Variants in VKORC1L1 observed in about 807,000 individuals in gnomAD.
The protein encoded by VKORC1L1 is vitamin K epoxide reductase complex subunit 1L1, also known as vitamin K epoxide reductase complex subunit 1-like protein 1.
In VKORC1L1, 2 loss-of-function variants were observed where a neutral mutation model predicts 18.9. The ratio of observed to expected loss-of-function variants is 0.11; its 90% CI spans 0.04 to 0.33. VKORC1L1 has a LOEUF of 0.33. Ranked by LOEUF, VKORC1L1 falls within the 10% of genes least tolerant of loss-of-function variation. The pLI is 1.00. For missense variants in VKORC1L1, 123 were observed against 224.1 expected, an observed-to-expected ratio of 0.55 and a Z score of 2.88; for synonymous variants, 96 against 100.0, an observed-to-expected ratio of 0.96 and a Z score of 0.24.
At chr7:65,895,596 T>C (rs1789196447) in intron 1 of VKORC1L1, among the ~76,000 whole-genome samples, 1 of 147,082 alleles carries the variant, frequency 6.8e-6, no homozygotes, top group African/African-American at 2.5e-5. Flanking sequence ...TTTTCAAAAC[T>C]TGATTCTAAA....
intron 1 of VKORC1L1, among the ~76,000 whole-genome samples, chr7:65,943,242 A>G (rs956200542): frequency 6.6e-6 from 1 of 151,980 alleles, no homozygotes; most frequent in Non-Finnish European, 1.5e-5. Flanking sequence ...ACAAAAAAAA[A>G]TGTTTTAAAT....
chr7:65,932,903 C>A (rs1048123892), intron 1 of VKORC1L1, among the ~76,000 whole-genome samples: 1 of 151,920 alleles, frequency 6.6e-6, no homozygotes, highest in Non-Finnish European at 1.5e-5. Context: ...GATGATGAAA[C>A]CCCATGTCTA....
chr7:65,872,145 A>G (rs757776723), upstream of VKORC1L1, among the ~76,000 whole-genome samples: 2 of 152,296 alleles, frequency 1.3e-5, no homozygotes, highest in African/African-American at 2.4e-5. Flanking sequence ...TTTAATAACT[A>G]TGTAAGCCCC....
At chr7:65,916,224 A>G (rs1329756619) in intron 1 of VKORC1L1, among the ~76,000 whole-genome samples, 1 of 150,098 alleles carries the variant, frequency 6.7e-6, no homozygotes, top group Middle Eastern at 3.4e-3. Flanking sequence ...TTTTCTCTTT[A>G]TTTGCCAGTT....
chr7:65,897,713 ATC>A (rs1789239221), intron 1 of VKORC1L1, among the ~76,000 whole-genome samples: 1 of 148,588 alleles, frequency 6.7e-6, no homozygotes, highest in African/African-American at 2.5e-5. Flanking sequence ...TTTTTTTTTA[ATC>A]TCTGTGTTAT....
intron 2 of VKORC1L1, among the ~76,000 whole-genome samples, chr7:65,952,767 C>CT (rs377753156): frequency 1.2e-4 from 15 of 128,996 alleles, no homozygotes; most frequent in Non-Finnish European, 1.8e-4. Context: ...ATTCAGGTGC[C>CT]TTTTTTTTTC....
In VKORC1L1 at chr7:65,873,497, G is replaced by T. The variant is rs1429852959; in HGVS notation, c.126G>T (p.Arg42=). The change falls in exon 1 of 3, where the codon CGG becomes CGT. Residue 42 remains arginine, a synonymous_variant. Transcript: ENST00000360768. ...YAYHVEREKE[R]DPEHRALCDL... is the part of the protein sequence containing the mutation. Reference sequence around the variant, plus strand: ...ACCACGTGGAGCGGGAGAAGGAGCGGGACCCCGAGCACCGGGCCCTCTGCG... The same window carrying T: ...ACCACGTGGAGCGGGAGAAGGAGCGTGACCCCGAGCACCGGGCCCTCTGCG... 3 of 1,594,512 alleles carry T rather than the reference G, an allele frequency of 1.9e-6. No individual in the cohort carries two copies. In the South Asian group the frequency reaches 3.3e-5, roughly 18 times the overall value.
At chr7:65,920,917 AAGG>A (rs1283665429) in intron 1 of VKORC1L1, among the ~76,000 whole-genome samples, 4 of 152,218 alleles carry the variant, frequency 2.6e-5, no homozygotes, top group African/African-American at 9.6e-5. Flanking sequence ...GAAAGAGAAA[AAGG>A]AGAAGGAAAG....
At chr7:65,948,909 G>T in intron 2 of VKORC1L1, 129 bp downstream of exon 2, 2 of 1,213,800 alleles carry the variant, frequency 1.6e-6, no homozygotes, top group South Asian at 1.6e-5. Context: ...ACATTTTTGT[G>T]TTATGAAAAC....
At position 65,954,204 on chromosome 7, in the gene VKORC1L1, G is replaced by A. The variant is rs373848812; in HGVS notation, c.435G>A (p.Thr145=). ...AGTTCTGCATCATCTGCATCGTCAC[G>A]TACGTGCTGAACTTCCTTCTTCTCA... ...LKEFCIICIV[T]YVLNFLLLII... The change falls in exon 3 of 3, where the codon ACG becomes ACA. Residue 145 remains threonine, a synonymous_variant. Coordinates refer to ENST00000360768, the MANE Select transcript of VKORC1L1 (RefSeq NM_173517.6). 1.9e-5 allele frequency: 30 copies of A among 1,614,038 alleles called. No homozygotes were observed. Among genetic ancestry groups the A allele is most frequent in the South Asian group, 3.3e-5 (3 of 91,076 alleles).
intron 1 of VKORC1L1, among the ~76,000 whole-genome samples, chr7:65,890,124 A>ATTTT (rs35228954): frequency 6.6e-5 from 6 of 90,470 alleles, no homozygotes; most frequent in African/African-American, 2.0e-4. Context: ...CACCTGGGTA[A>ATTTT]TTTTTTTTTT....
chr7:65,944,477 GT>G (rs891151460), intron 1 of VKORC1L1, among the ~76,000 whole-genome samples: 3 of 151,712 alleles, frequency 2.0e-5, no homozygotes, highest in Non-Finnish European at 2.9e-5. Context: ...GGGTACCTGG[GT>G]TTTTTTTGTT....
At chr7:65,924,184 T>C (rs1445789712) in intron 1 of VKORC1L1, among the ~76,000 whole-genome samples, 1 of 152,186 alleles carries the variant, frequency 6.6e-6, no homozygotes, top group Non-Finnish European at 1.5e-5. Flanking sequence ...ATACATGGCT[T>C]ACTGAGGCTG....
chr7:65,954,039 A>G (rs1439631494), intron 2 of VKORC1L1, 35 bp from the exon 3 acceptor site: 1 of 1,560,238 alleles, frequency 6.4e-7, no homozygotes, highest in Non-Finnish European at 8.7e-7. Context: ...CTCCAGCACC[A>G]AGGCCTGACT....
chr7:65,952,441 G>C lies in VKORC1L1; in HGVS notation c.305-1633G>C, dbSNP rs534274023. ...GCTAGTCCCTGCAACAAGTAATTCAGCAGCACCTTAGTCTTGAAGTGCCCT... is the reference window on the plus strand; with the variant it reads ...GCTAGTCCCTGCAACAAGTAATTCACCAGCACCTTAGTCTTGAAGTGCCCT... On this transcript the variant is annotated intron_variant, in intron 2 of 2. Transcript: ENST00000360768. Among the ~76,000 whole-genome samples the C allele has an allele frequency of 2.6e-5, 4 of 152,264 alleles. No individual in the cohort carries two copies. The East Asian group carries it at 7.7e-4, about 29-fold the overall frequency.
At chr7:65,952,148 C>G (rs1411795438) in intron 2 of VKORC1L1, among the ~76,000 whole-genome samples, 1 of 152,166 alleles carries the variant, frequency 6.6e-6, no homozygotes, top group East Asian at 1.9e-4. Flanking sequence ...AAATAAGTTG[C>G]CCGTATCATT....
At chr7:65,949,493 A>AAATAATAAT (rs56928132) in intron 2 of VKORC1L1, among the ~76,000 whole-genome samples, 1 of 149,384 alleles carries the variant, frequency 6.7e-6, no homozygotes, top group Non-Finnish European at 1.5e-5. Flanking sequence ...AAAAAGAAAT[A>AAATAATAAT]AATAATAATA....
upstream of VKORC1L1, among the ~76,000 whole-genome samples, chr7:65,869,040 T>C (rs34107622): frequency 6.6e-5 from 10 of 152,150 alleles, no homozygotes; most frequent in Middle Eastern, 3.4e-3. Context: ...AGTTGTCAAG[T>C]GTGGTGGCTC....
At chr7:65,895,474 AAAAAAAATATATATATATATATAT>A (rs1275898119) in intron 1 of VKORC1L1, among the ~76,000 whole-genome samples, 7 of 45,116 alleles carry the variant, frequency 1.6e-4, no homozygotes, top group Non-Finnish European at 2.6e-4. Context: ...AAAAAAAAAA[AAAAAAAATATATATATATATATAT>A]ATATATATAT....
Sources: allele counts gnomAD v4.1 joint callset (sites outside exome capture counted in the v4.1 genomes callset), GRCh38; gene constraint gnomAD v4.1.1; transcripts MANE v1.5; gene names NCBI Gene and HGNC (gene_info 2026-07-23, HGNC 2026-07-21).